Variants in TDRD3 observed in about 807,000 individuals in gnomAD.
The protein encoded by TDRD3 is tudor domain-containing protein 3.
In TDRD3, 45 loss-of-function variants were observed where a neutral mutation model predicts 86.7. The observed-to-expected ratio is 0.52, with a 90% CI of 0.41 to 0.67. The LOEUF is 0.67. Ranked by LOEUF, TDRD3 falls within the 30% of genes least tolerant of loss-of-function variation. TDRD3 has a pLI of 0.00. For synonymous variants in TDRD3, 298 were observed against 301.7 expected (o/e 0.99, Z 0.13); for missense variants, 814 against 889.0 (o/e 0.92, Z 1.07).
intron 1 of TDRD3, among the ~76,000 whole-genome samples, chr13:60,415,344 CTGATTA>C (rs1323396463): frequency 2.0e-5 from 3 of 151,976 alleles, no homozygotes; most frequent in African/African-American, 7.2e-5. Context: ...TGATGTTATT[CTGATTA>C]TATTATTATT....
chr13:60,540,103 A>C (rs1450323942), intron 12 of TDRD3, among the ~76,000 whole-genome samples: 1 of 152,100 alleles, frequency 6.6e-6, no homozygotes. Context: ...TTCTTAAATA[A>C]GTTTGCAGTT....
intron 3 of TDRD3, among the ~76,000 whole-genome samples, chr13:60,448,716 A>G (rs894946313): frequency 2.0e-5 from 3 of 152,118 alleles, no homozygotes; most frequent in Admixed American, 6.6e-5. Flanking sequence ...TTTCTTGGAT[A>G]TTACAAAGTC....
In TDRD3 at chr13:60,528,860, T is replaced by C. The variant is rs758407549; in HGVS notation, c.1635T>C (p.Tyr545=). The part of the protein sequence containing the change: ...KRESQTSIPD[Y]FYDRKSQTIN... ...AAAGCCAAACATCTATTCCTGATTA[T>C]TTTTATGACAGGAAATCACAAACAA... The change falls in exon 11 of 14, where the codon TAT becomes TAC. Residue 545 remains tyrosine, a synonymous_variant. Transcript: ENST00000377881. The C allele has an allele frequency of 2.5e-6, 4 of 1,612,962 alleles. No homozygotes were observed. The highest frequency in any genetic ancestry group is 3.4e-6 in the Non-Finnish European group (4 of 1,179,724).
At chr13:60,518,915 T>A (rs1957227955) in intron 10 of TDRD3, among the ~76,000 whole-genome samples, 1 of 152,168 alleles carries the variant, frequency 6.6e-6, no homozygotes, top group Non-Finnish European at 1.5e-5. Flanking sequence ...ATTCAGATGA[T>A]CCTAATATAC....
intron 7 of TDRD3, among the ~76,000 whole-genome samples, chr13:60,487,744 T>A (rs553679937): frequency 1.3e-5 from 2 of 152,146 alleles, no homozygotes; most frequent in Non-Finnish European, 2.9e-5. Context: ...ATGGGAGATA[T>A]CTCTTTGACC....
At chr13:60,430,110 T>C (rs1954916255) in intron 1 of TDRD3, among the ~76,000 whole-genome samples, 1 of 152,160 alleles carries the variant, frequency 6.6e-6, no homozygotes, top group Non-Finnish European at 1.5e-5. Context: ...CCCACATGTA[T>C]TGAAAGGTAA....
chr13:60,512,217 A>G (rs1428536751), intron 10 of TDRD3, among the ~76,000 whole-genome samples: 1 of 152,134 alleles, frequency 6.6e-6, no homozygotes, highest in African/African-American at 2.4e-5. Context: ...AGAAACCCTT[A>G]TAAAGCCATC....
At chr13:60,397,893 C>CATAGGCCGCG (rs1376565322) in intron 1 of TDRD3, among the ~76,000 whole-genome samples, 2 of 152,082 alleles carry the variant, frequency 1.3e-5, no homozygotes, top group Non-Finnish European at 2.9e-5. Flanking sequence ...GAGCACAGCC[C>CATAGGCCGCG]GCGCTGCGGC....
chr13:60,487,776 A>G (rs1285421855), intron 7 of TDRD3, among the ~76,000 whole-genome samples: 1 of 152,124 alleles, frequency 6.6e-6, no homozygotes, highest in African/African-American at 2.4e-5. Context: ...TTTCCTTTGG[A>G]TAAATACCCA....
At chr13:60,492,211 TC>T (rs1343892239) in intron 7 of TDRD3, among the ~76,000 whole-genome samples, 1 of 152,212 alleles carries the variant, frequency 6.6e-6, no homozygotes, top group Non-Finnish European at 1.5e-5. Context: ...TGGGACTATT[TC>T]ACTGGCACCA....
At chr13:60,413,363 G>C (rs566383508) in intron 1 of TDRD3, among the ~76,000 whole-genome samples, 1 of 152,212 alleles carries the variant, frequency 6.6e-6, no homozygotes, top group South Asian at 2.1e-4. Flanking sequence ...TGGTGTTTAC[G>C]AGCATGGGCT....
At chr13:60,562,157 A>T (rs1958348603) in intron 12 of TDRD3, among the ~76,000 whole-genome samples, 1 of 151,974 alleles carries the variant, frequency 6.6e-6, no homozygotes, top group South Asian at 2.1e-4. Flanking sequence ...CTGAAAATAT[A>T]AAAAAATTAT....
At position 60,485,879 on chromosome 13, in the gene TDRD3, T is replaced by G; in HGVS notation, c.648T>G (p.Pro216=). ...TGCAAGTTACAATGCCTGTCAAACC[T>G]ACAAATGATAATGATGAATTTGAAA... ...KTLQVTMPVK[P]TNDNDEFEKQ... Residue 216 remains proline, a synonymous_variant, in exon 7 of 14, where the codon CCT becomes CCG. Coordinates refer to ENST00000377881, the MANE Select transcript of TDRD3 (RefSeq NM_001146070.2). 1.2e-6 allele frequency: 2 copies of G among 1,611,198 alleles called. No individual in the cohort carries two copies. The highest frequency in any genetic ancestry group is 1.7e-6 in the Non-Finnish European group (2 of 1,178,766).
At chr13:60,563,164 G>T (rs895372718) in intron 12 of TDRD3, among the ~76,000 whole-genome samples, 1 of 150,854 alleles carries the variant, frequency 6.6e-6, no homozygotes, top group East Asian at 2.0e-4. Flanking sequence ...GAAGGCGGAG[G>T]TTGCCTTGAG....
chr13:60,409,385 A>G (rs1375562691), intron 1 of TDRD3, among the ~76,000 whole-genome samples: 1 of 152,210 alleles, frequency 6.6e-6, no homozygotes, highest in Non-Finnish European at 1.5e-5. Flanking sequence ...TGGTAGAGCC[A>G]CTGACAGCTT....
chr13:60,439,658 A>G (rs753043454), intron 1 of TDRD3, 30 bp from the exon 2 acceptor site: 2 of 1,494,794 alleles, frequency 1.3e-6, no homozygotes, highest in Admixed American at 2.3e-5. Context: ...GATTTTAGAT[A>G]ATATTAAGCC....
intron 11 of TDRD3, among the ~76,000 whole-genome samples, chr13:60,530,049 C>T (rs534162476): frequency 5.3e-5 from 8 of 152,264 alleles, no homozygotes; most frequent in African/African-American, 1.9e-4. Flanking sequence ...CTAGAAGAAA[C>T]CTTCTTTGAC....
Position 60,456,069 on chromosome 13 carries a change from C to CAAAA in TDRD3, c.193-4295_193-4292dup, listed in dbSNP as rs35117003. 3.2e-4 allele frequency among the ~76,000 whole-genome samples: 31 copies of CAAAA among 95,476 alleles called. 1 individual carries two copies. The highest frequency in any genetic ancestry group is 3.6e-4 in the Non-Finnish European group (18 of 49,992). The allele number at this position is 95,476 out of a possible 152,430, so 62.6% of individuals were successfully genotyped here. A position where few individuals can be genotyped will look rare whatever the true frequency, so the allele number is the denominator to read the frequency against. ...TGGGTGACAGAGTGAGACTATGTCT[C>CAAAA]AAAAAAAAAAAAAAAAAAAGATTAA... On this transcript the variant is annotated intron_variant, in intron 3 of 13. Transcript: ENST00000377881.
chr13:60,479,015 C>T lies in TDRD3; in HGVS notation c.496-4760C>T, dbSNP rs188623804. Among the ~76,000 whole-genome samples, 163 of 151,828 alleles carry T rather than the reference C, an allele frequency of 1.1e-3. 1 individual carries two copies. The highest frequency in any genetic ancestry group is 3.4e-3 in the Middle Eastern group (1 of 294). On this transcript the variant is annotated intron_variant, in intron 5 of 13. Coordinates refer to ENST00000377881, the MANE Select transcript of TDRD3 (RefSeq NM_001146070.2). ...GTAGACAGGGTGTCACCATCTTGGC[C>T]GGGCTGGTCTTGAACTCCTGACCTC...
Sources: allele counts gnomAD v4.1 joint callset (sites outside exome capture counted in the v4.1 genomes callset), GRCh38; gene constraint gnomAD v4.1.1; transcripts MANE v1.5; gene names NCBI Gene and HGNC (gene_info 2026-07-23, HGNC 2026-07-21).